Variants in MED12 observed in about 807,000 individuals in gnomAD.
MED12 encodes mediator complex subunit 12.
A neutral mutation model predicts 177.7 loss-of-function variants in MED12; 10 were observed. That is an observed-to-expected ratio of 0.06 (90% CI 0.03 to 0.10). MED12 has a LOEUF of 0.10. Among genes scored for constraint, MED12 ranks in the 10% least tolerant of loss-of-function variants. MED12 has a pLI of 1.00. For synonymous variants in MED12, 641 were observed against 678.4 expected (o/e 0.94, Z 0.86); for missense variants, 867 against 1,780.8 (o/e 0.49, Z 9.23).
intron 17 of MED12, 68 bp from the exon 18 acceptor site, chrX:71,125,968 C>A: frequency 1.4e-6 from 1 of 720,300 alleles, no homozygotes; most frequent in South Asian, 2.1e-5. Flanking sequence ...CTCCATACCC[C>A]ACTCCCCACC....
chrX:71,138,603 G>T (rs1372646366), intron 41 of MED12, among the ~76,000 whole-genome samples: 1 of 109,838 alleles, frequency 9.1e-6, no homozygotes, highest in Non-Finnish European at 1.9e-5. Flanking sequence ...AGACAGGCGT[G>T]TTGGTGCATG....
At position 71,129,702 on chromosome X, in the gene MED12, A is replaced by G; in HGVS notation, c.3714A>G (p.Ser1238=). 1 of 1,194,960 alleles carries G rather than the reference A, an allele frequency of 8.4e-7. No individual in the cohort carries two copies. The highest frequency in any genetic ancestry group is 1.1e-6 in the Non-Finnish European group (1 of 886,820). The change falls in exon 27 of 45, where the codon TCA becomes TCG. Residue 1238 remains serine, a synonymous_variant. Coordinates refer to ENST00000374080, the MANE Select transcript of MED12 (RefSeq NM_005120.3). The part of the protein sequence containing the change: ...FVLGDAELKG[S]GFTVTGGTEE... ...CAGGGGATGCGGAACTGAAAGGTTC[A>G]GGCTTCACTGTGACAGGAGGAACAG...
At position 71,137,341 on chromosome X, in the gene MED12, A is replaced by G. The variant is rs1188115518; in HGVS notation, c.5706A>G (p.Gln1902=). The change falls in exon 39 of 45, where the codon CAA becomes CAG. Residue 1902 remains glutamine (Q), a synonymous_variant. Coordinates refer to ENST00000374080, the MANE Select transcript of MED12 (RefSeq NM_005120.3). The part of the protein sequence containing the change: ...SYKTSVYRQQ[Q]PAVPQGQRLR... ...AGACCTCTGTGTACCGGCAGCAGCAACCTGCGGTGCCCCAAGGACAGCGCC... is the reference window on the plus strand; with the variant it reads ...AGACCTCTGTGTACCGGCAGCAGCAGCCTGCGGTGCCCCAAGGACAGCGCC... 5.8e-6 allele frequency: 7 copies of G among 1,211,689 alleles called. No individual in the cohort carries two copies. The highest frequency in any genetic ancestry group is 7.8e-6 in the Non-Finnish European group (7 of 895,490).
In MED12 at chrX:71,132,132, A is replaced by C. The variant is rs376058351; in HGVS notation, c.4179A>C (p.Ser1393=). The C allele has an allele frequency of 2.7e-4, 322 of 1,208,809 alleles. No individual in the cohort carries two copies. Among genetic ancestry groups the C allele is most frequent in the Non-Finnish European group, 3.5e-4 (316 of 893,806 alleles). Residue 1393 remains serine (S), a synonymous_variant, in exon 30 of 45, where the codon TCA becomes TCC. Transcript: ENST00000374080. ...CCACAATCGAGGTTTTCCAACAGTCAGCAGAGACAGGGTCATCTTCTGGAA... is the reference window on the plus strand; with the variant it reads ...CCACAATCGAGGTTTTCCAACAGTCCGCAGAGACAGGGTCATCTTCTGGAA... ...AKATIEVFQQ[S]AETGSSSGST...
At chrX:71,131,448 C>G (rs1421652344) in intron 28 of MED12, 102 bp from the exon 29 acceptor site, 4 of 776,852 alleles carry the variant, frequency 5.1e-6, no homozygotes, top group Non-Finnish European at 2.0e-6. Flanking sequence ...CTCCAGGAGT[C>G]TGTGATTCAA....
chrX:71,136,829 A>G, intron 37 of MED12, 50 bp from the exon 38 acceptor site: 5 of 1,207,240 alleles, frequency 4.1e-6, no homozygotes, highest in Non-Finnish European at 5.6e-6. Flanking sequence ...CAGCTCCCCG[A>G]CCCCATTCAG....
At position 71,137,693 on chromosome X, in the gene MED12, G is replaced by A. The variant is rs768113300; in HGVS notation, c.5827-33G>A. ...GAGGCAAGCTGCTCTGCATACTCTC[G>A]GCCCTGATTCCCTCTCTCCTTCTTC... On this transcript the variant is annotated intron_variant, in intron 40 of 44. Transcript: ENST00000374080. 360 of 1,201,861 alleles carry A rather than the reference G, an allele frequency of 3.0e-4. No individual in the cohort carries two copies. Among genetic ancestry groups the A allele is most frequent in the Middle Eastern group, 6.9e-4 (3 of 4,357 alleles).
Position 71,118,775 on chromosome X carries a change from G to C in MED12, c.21G>C (p.Leu7Phe), listed in dbSNP as rs1156491049. Reference protein sequence around the residue: MAAFGILSYEHRPLKRP... With the variant: MAAFGIFSYEHRPLKRP... ...GCAAGATGGCGGCCTTCGGGATCTT[G>C]AGCTACGAACACCGGCCCCTGAAGC... Residue 7 changes from leucine (L) to phenylalanine (F), a missense_variant, in exon 1 of 45, where the codon TTG (leucine) becomes TTC (phenylalanine). Leu to Phe is a conservative substitution (Grantham distance 22). Around this residue, in one of 14 missense-constraint regions of MED12, gnomAD observed 42 missense variants for 129.6 expected, o/e 0.32. Coordinates refer to ENST00000374080, the MANE Select transcript of MED12 (RefSeq NM_005120.3). 2 of 1,206,344 alleles carry C rather than the reference G, an allele frequency of 1.7e-6. No homozygotes were observed. Among genetic ancestry groups the C allele is most frequent in the Non-Finnish European group, 2.2e-6 (2 of 894,217 alleles).
chrX:71,134,558 G>GT (rs1385702637), intron 34 of MED12, 92 bp downstream of exon 34: 14 of 930,647 alleles, frequency 1.5e-5, no homozygotes, highest in Non-Finnish European at 2.2e-5. Flanking sequence ...TGGTGTGGCT[G>GT]TTACTGTGGA....
At position 71,122,427 on chromosome X, in the gene MED12, T is replaced by C. The variant is rs1177751961; in HGVS notation, c.1248+81T>C. 5.9e-6 allele frequency: 7 copies of C among 1,184,965 alleles called. No homozygotes were observed. In the African/African-American group the frequency reaches 1.1e-4, roughly 18 times the overall value. ...CTTTCAGAAGTAGTGATTTGGAGTCTAGTACTATTCTTCTAGCCTGGGGCT... is the reference window on the plus strand; with the variant it reads ...CTTTCAGAAGTAGTGATTTGGAGTCCAGTACTATTCTTCTAGCCTGGGGCT... On this transcript the variant is annotated intron_variant, in intron 8 of 44. Coordinates refer to ENST00000374080, the MANE Select transcript of MED12 (RefSeq NM_005120.3).
In MED12 at chrX:71,124,999, T is replaced by C; in HGVS notation, c.2079T>C (p.Cys693=). 1 of 1,210,716 alleles carries C rather than the reference T, an allele frequency of 8.3e-7. No individual in the cohort carries two copies. The highest frequency in any genetic ancestry group is 1.1e-6 in the Non-Finnish European group (1 of 894,974). ...AGTTGTTCTCCCCTACTATGCCCTG[T>C]GAGGGGAAGGGCAGTCCATCCCCTG... is the stretch of plus-strand genomic sequence containing the variant. ...DFSLFSPTMP[C]EGKGSPSPEK... Residue 693 remains cysteine, a synonymous_variant, in exon 15 of 45, where the codon TGT becomes TGC. Transcript: ENST00000374080.
intron 36 of MED12, among the ~76,000 whole-genome samples, chrX:71,135,477 T>G (rs1348326385): frequency 9.0e-6 from 1 of 110,574 alleles, no homozygotes; most frequent in East Asian, 2.8e-4. Flanking sequence ...GCCCTCACCT[T>G]TTAACATACC....
At chrX:71,121,892 G>C (rs1173191415) in intron 7 of MED12, 76 bp downstream of exon 7, 3 of 1,181,167 alleles carry the variant, frequency 2.5e-6, no homozygotes, top group Non-Finnish European at 3.4e-6. Flanking sequence ...AGAGAATAGG[G>C]GTAATTCCAA....
At chrX:71,131,485 C>T (rs2092317324) in intron 28 of MED12, 65 bp from the exon 29 acceptor site, 2 of 1,096,824 alleles carry the variant, frequency 1.8e-6, no homozygotes, top group Non-Finnish European at 2.5e-6. Flanking sequence ...GAATTGGCCT[C>T]AGATTGTTGG....
intron 2 of MED12, 80 bp downstream of exon 2, chrX:71,119,557 T>A: frequency 2.8e-6 from 3 of 1,082,047 alleles, no homozygotes; most frequent in Non-Finnish European, 1.3e-6. Context: ...GGAAGACTTA[T>A]AGGGACAACC....
At position 71,141,259 on chromosome X, in the gene MED12, G is replaced by GCAGCAGCAGCAACAGCAA. The variant is rs2147841816; in HGVS notation, c.6309_6326dup (p.Gln2110_Gln2115dup). On this transcript the variant is annotated inframe_insertion, in exon 43 of 45. Coordinates refer to ENST00000374080, the MANE Select transcript of MED12 (RefSeq NM_005120.3). ...AGCAGCAACAGCAACAGCAGCAGCA[G>GCAGCAGCAGCAACAGCAA]CAGCAGCAGCAACAGCAACAGCAGC... 1 of 1,161,881 alleles carries GCAGCAGCAGCAACAGCAA rather than the reference G, an allele frequency of 8.6e-7. No individual in the cohort carries two copies. The highest frequency in any genetic ancestry group is 1.1e-6 in the Non-Finnish European group (1 of 870,146).
chrX:71,120,173 G>A lies in MED12; in HGVS notation c.553+3G>A. ...GAGACATGTTGACCCTTTCATGGGT[G>A]AGTAACTCCTAACACCAGGTGTACT... is the stretch of plus-strand genomic sequence containing the variant. On this transcript the variant is annotated splice_donor_region_variant and intron_variant, in intron 4 of 44. Coordinates refer to ENST00000374080, the MANE Select transcript of MED12 (RefSeq NM_005120.3). The A allele has an allele frequency of 8.3e-7, 1 of 1,209,329 alleles. No homozygotes were observed.
chrX:71,125,653 C>T lies in MED12; in HGVS notation c.2372-10C>T, dbSNP rs752691764. The T allele has an allele frequency of 1.6e-5, 12 of 766,997 alleles. No homozygotes were observed. The highest frequency in any genetic ancestry group is 2.2e-5 in the Non-Finnish European group (12 of 545,137). The allele number at this position is 766,997 out of a possible 1,213,427, so 63.2% of individuals were successfully genotyped here. On this transcript the variant is annotated splice_polypyrimidine_tract_variant and intron_variant, in intron 16 of 44. Coordinates refer to ENST00000374080, the MANE Select transcript of MED12 (RefSeq NM_005120.3). ...TTTGAAACTTCCCCCCTCATTCCCC[C>T]CCTCTACAGACCAGCTTGCTCCTAT...
At chrX:71,135,861 C>T (rs1281916942) in intron 36 of MED12, among the ~76,000 whole-genome samples, 4 of 110,574 alleles carry the variant, frequency 3.6e-5, no homozygotes, top group South Asian at 3.9e-4. Flanking sequence ...GACTCTTTCT[C>T]GGCCTGCCTA....
Sources: gnomAD v4.1 joint callset for allele counts (sites outside exome capture counted in the v4.1 genomes callset) on GRCh38, gnomAD v4.1.1 for gene constraint, gnomAD v4.1.1 regional missense constraint, MANE v1.5 for transcripts, NCBI Gene and HGNC (gene_info 2026-07-23, HGNC 2026-07-21) for gene names.